ENOX2: variants seen among roughly 807,000 people sequenced by gnomAD.
The protein encoded by ENOX2 is ecto-NOX disulfide-thiol exchanger 2.
In ENOX2, 36 loss-of-function variants were observed where a neutral mutation model predicts 45.0. The observed-to-expected ratio is 0.80, with a 90% confidence interval of 0.61 to 1.06. The LOEUF (loss-of-function observed/expected upper bound fraction) is 1.06. ENOX2 is among the 50% of genes least tolerant of loss of function. ENOX2 has a pLI of 0.00. For missense variants in ENOX2, 423 were observed against 462.5 expected, an observed-to-expected ratio of 0.91 and a Z score of 0.78; for synonymous variants, 174 against 152.3, an observed-to-expected ratio of 1.14 and a Z score of -1.05.
intron 2 of ENOX2, among the ~76,000 whole-genome samples, chrX:130,826,908 C>T (rs1257445708): frequency 9.0e-6 from 1 of 111,685 alleles, no homozygotes; most frequent in Admixed American, 9.5e-5. Context: ...ATAGATAAAA[C>T]AGCCTGTGTG....
chrX:130,808,245 A>G (rs935845419), intron 2 of ENOX2, among the ~76,000 whole-genome samples: 7 of 112,341 alleles, frequency 6.2e-5, no homozygotes, highest in African/African-American at 2.3e-4. Flanking sequence ...GGTAAAATAT[A>G]TAGTATGTTG....
intron 9 of ENOX2, among the ~76,000 whole-genome samples, chrX:130,660,398 C>A (rs1250916304): frequency 8.9e-6 from 1 of 111,747 alleles, no homozygotes; most frequent in Non-Finnish European, 1.9e-5. Flanking sequence ...GATGTCTGAG[C>A]TACTTGTCTT....
chrX:130,624,915 TTAATG>T lies in ENOX2; in HGVS notation c.*394_*398del, dbSNP rs1045462928. 1.6e-5 allele frequency: 2 copies of T among 124,508 alleles called. No individual in the cohort carries two copies. The highest frequency in any genetic ancestry group is 2.9e-4 in the South Asian group (1 of 3,463). 10.3% of individuals were successfully genotyped at this position (124,508 alleles called of 1,213,427 possible). A position where few individuals can be genotyped will look rare whatever the true frequency, so the allele number is the denominator to read the frequency against. On this transcript the variant is annotated 3_prime_UTR_variant, in exon 15 of 15. Coordinates refer to ENST00000394363, the MANE Select transcript of ENOX2 (RefSeq NM_006375.4). ...CTCATGCCTTTCACCAGTAACAACA[TTAATG>T]TAAAGAGAAGTTTAGAAACACAAAT...
chrX:130,706,245 C>T (rs1469128855), intron 3 of ENOX2, among the ~76,000 whole-genome samples: 3 of 111,766 alleles, frequency 2.7e-5, no homozygotes, highest in Non-Finnish European at 5.6e-5. Flanking sequence ...AATAAACAAT[C>T]CAATGTAAAT....
chrX:130,729,945 G>A (rs2038699309), intron 3 of ENOX2, among the ~76,000 whole-genome samples: 1 of 112,264 alleles, frequency 8.9e-6, no homozygotes, highest in Non-Finnish European at 1.9e-5. Flanking sequence ...TCATGTGTGG[G>A]TGAAGGTCCC....
At chrX:130,786,509 T>C (rs1185894908) in intron 2 of ENOX2, among the ~76,000 whole-genome samples, 49 of 95,527 alleles carry the variant, frequency 5.1e-4, no homozygotes, top group African/African-American at 1.5e-3. Context: ...CCCACTAACG[T>C]GTCATCTAGC....
At chrX:130,698,162 T>C (rs1015802086) in intron 4 of ENOX2, among the ~76,000 whole-genome samples, 3 of 111,804 alleles carry the variant, frequency 2.7e-5, no homozygotes, top group Non-Finnish European at 5.6e-5. Flanking sequence ...AATATGACAA[T>C]ACATAGATCA....
At chrX:130,664,029 A>G (rs1320963893) in intron 9 of ENOX2, among the ~76,000 whole-genome samples, 1 of 111,851 alleles carries the variant, frequency 8.9e-6, no homozygotes, top group African/African-American at 3.3e-5. Flanking sequence ...CTACAGTAAG[A>G]TAATAGTTTC....
chrX:130,756,514 GAATACTACCTGTGGATAGTGT>G (rs1233536411), intron 3 of ENOX2, among the ~76,000 whole-genome samples: 1 of 111,909 alleles, frequency 8.9e-6, no homozygotes, highest in Non-Finnish European at 1.9e-5. Context: ...ACTGGCCTCT[GAATACTACCTGTGGATAGTGT>G]ACTTGACTTT....
chrX:130,690,885 A>T (rs979942988), intron 4 of ENOX2, among the ~76,000 whole-genome samples: 9 of 111,527 alleles, frequency 8.1e-5, no homozygotes, highest in Non-Finnish European at 1.7e-4. Flanking sequence ...AGCCTCTCAC[A>T]TGCCTTTTTA....
At chrX:130,814,791 A>G (rs1268564502) in intron 2 of ENOX2, among the ~76,000 whole-genome samples, 1 of 112,047 alleles carries the variant, frequency 8.9e-6, no homozygotes, top group Admixed American at 9.4e-5. Context: ...AGATGAGGAA[A>G]AACCAGTGCA....
chrX:130,678,028 G>T (rs905396443), intron 6 of ENOX2, among the ~76,000 whole-genome samples: 1 of 108,234 alleles, frequency 9.2e-6, no homozygotes, highest in Non-Finnish European at 1.9e-5. Flanking sequence ...CGGAGGTTGC[G>T]GTGAGCCAAA....
chrX:130,879,230 T>A (rs2078763245), intron 2 of ENOX2, among the ~76,000 whole-genome samples: 1 of 111,763 alleles, frequency 8.9e-6, no homozygotes, highest in African/African-American at 3.3e-5. Flanking sequence ...CGAGTGGCAA[T>A]AAGTAGAGTG....
intron 2 of ENOX2, among the ~76,000 whole-genome samples, chrX:130,891,205 A>C (rs139940170): frequency 0.011 from 1,201 of 110,491 alleles, 23 homozygotes; most frequent in African/African-American, 0.037. Flanking sequence ...AATTTTAAAA[A>C]GTTTTTTTTT....
In ENOX2 at chrX:130,635,054, T is replaced by G; in HGVS notation, c.1349A>C (p.Glu450Ala). 1 of 1,188,577 alleles carries G rather than the reference T, an allele frequency of 8.4e-7. No homozygotes were observed. Among genetic ancestry groups the G allele is most frequent in the Non-Finnish European group, 1.1e-6 (1 of 876,390 alleles). The change falls in exon 12 of 15, where the codon GAA becomes GCA. Residue 450 changes from glutamate (E) to alanine (A), a missense_variant. Glu to Ala is a moderately radical substitution (Grantham distance 107, BLOSUM62 -1). Coordinates refer to ENST00000394363, the MANE Select transcript of ENOX2 (RefSeq NM_006375.4). ...LKVQEEYKKK[E>A]AELEKLKDDK... ...ATCTTTGAGTTTTTCAAGTTCAGCT[T>G]CTTTCTTTTTGTATTCCTCTTGGAC...
intron 2 of ENOX2, among the ~76,000 whole-genome samples, chrX:130,880,823 T>C (rs1423757612): frequency 8.9e-6 from 1 of 112,447 alleles, no homozygotes; most frequent in African/African-American, 3.2e-5. Flanking sequence ...TGATGAGAAA[T>C]GCAGAGTGCA....
At chrX:130,822,674 G>T (rs1381802246) in intron 2 of ENOX2, among the ~76,000 whole-genome samples, 1 of 110,639 alleles carries the variant, frequency 9.0e-6, no homozygotes, top group Non-Finnish European at 1.9e-5. Flanking sequence ...TATACCTAAT[G>T]CTAAATGATG....
chrX:130,745,010 G>T lies in ENOX2; in HGVS notation c.-39+38537C>A, dbSNP rs773519004. 4.5e-5 allele frequency among the ~76,000 whole-genome samples: 5 copies of T among 111,570 alleles called. No individual in the cohort carries two copies. The South Asian group carries it at 1.2e-3, about 26-fold the overall frequency. The stretch of plus-strand genomic sequence containing the variant: ...AAATAATGCCTGATGATCTGAGGTG[G>T]AACAGTTTCATCCCGAGACCATACC... On this transcript the variant is annotated intron_variant, in intron 3 of 14. Coordinates refer to ENST00000394363, the MANE Select transcript of ENOX2 (RefSeq NM_006375.4).
chrX:130,648,373 G>C (rs2036299343), intron 10 of ENOX2, among the ~76,000 whole-genome samples: 1 of 110,048 alleles, frequency 9.1e-6, no homozygotes, highest in African/African-American at 3.3e-5. Flanking sequence ...AGGAGGCAGA[G>C]GTTGTGGTGA....
Sources: gnomAD v4.1 joint callset for allele counts (sites outside exome capture counted in the v4.1 genomes callset) on GRCh38, gnomAD v4.1.1 for gene constraint, MANE v1.5 for transcripts, NCBI Gene and HGNC (gene_info 2026-07-23, HGNC 2026-07-21) for gene names.